The following ANKRD30B variants were observed in gnomAD, a reference collection of about 807,000 sequenced individuals.
The protein encoded by ANKRD30B is ankyrin repeat domain 30B.
Under a neutral mutation model 202.2 loss-of-function variants are expected in ANKRD30B, and 144 were observed. The ratio of observed to expected loss-of-function variants is 0.71; its 90% confidence interval spans 0.62 to 0.82. The LOEUF (loss-of-function observed/expected upper bound fraction) is 0.82. ANKRD30B is among the 40% of genes least tolerant of loss of function. The pLI, the probability that ANKRD30B is intolerant of heterozygous loss-of-function variation, is 0.00. For missense variants in ANKRD30B, 1,487 were observed against 1,669.1 expected (o/e 0.89, Z 1.90); for synonymous variants, 508 against 561.3 (o/e 0.91, Z 1.34).
chr18:14,808,494 T>G lies in ANKRD30B; in HGVS notation c.2285-57T>G, dbSNP rs777563688. The G allele has an allele frequency of 1.1e-4, 148 of 1,331,312 alleles. 5 individuals are homozygous for G. Among genetic ancestry groups the G allele is most frequent in the Non-Finnish European group, 1.6e-4 (146 of 929,026 alleles). 82.5% of individuals were successfully genotyped at this position (1,331,312 alleles called of 1,614,324 possible). On this transcript the variant is annotated intron_variant, in intron 24 of 43. Transcript: ENST00000690538. The stretch of plus-strand genomic sequence containing the variant: ...CTTCATATTCACATTGTACGAATGC[T>G]TGGTAGGCTTTGTCAGGCTTGCATA...
At chr18:14,884,233 T>C in the ANKRD30B span, among the ~76,000 whole-genome samples, 3 of 143,102 alleles carry the variant, frequency 2.1e-5, no homozygotes, top group African/African-American at 7.7e-5. Flanking sequence ...TTGTAAGCAG[T>C]GCTATGGAGA....
chr18:14,934,740 G>A, the ANKRD30B span, among the ~76,000 whole-genome samples: 5 of 152,078 alleles, frequency 3.3e-5, no homozygotes, highest in African/African-American at 9.7e-5. Flanking sequence ...GAAGGGATCC[G>A]GAGCCAAGAG....
intron 24 of ANKRD30B, 111 bp from the exon 25 acceptor site, chr18:14,808,440 C>A (rs1278855633): frequency 8.6e-7 from 1 of 1,158,216 alleles, no homozygotes; most frequent in East Asian, 2.4e-5. Context: ...CTAGTGTAAT[C>A]CCTTTTCAAT....
At chr18:14,792,343 T>C (rs1968575040) in intron 16 of ANKRD30B, among the ~76,000 whole-genome samples, 1 of 152,134 alleles carries the variant, frequency 6.6e-6, no homozygotes, top group South Asian at 2.1e-4. Context: ...ATGGTGCTCC[T>C]ATTTTTGAGT....
At chr18:14,824,457 GA>G (rs1445030080) in intron 32 of ANKRD30B, among the ~76,000 whole-genome samples, 2 of 152,116 alleles carry the variant, frequency 1.3e-5, no homozygotes, top group Admixed American at 6.6e-5. Flanking sequence ...GGACTCAAGT[GA>G]TTCTCCTCCA....
chr18:14,818,255 T>A (rs1386034985), intron 30 of ANKRD30B, among the ~76,000 whole-genome samples: 1 of 152,190 alleles, frequency 6.6e-6, no homozygotes, highest in Non-Finnish European at 1.5e-5. Context: ...ATAAAACTGT[T>A]ATTTTCAGTA....
At chr18:14,796,520 G>A in intron 18 of ANKRD30B, 105 bp downstream of exon 18, 2 of 1,336,566 alleles carry the variant, frequency 1.5e-6, no homozygotes, top group South Asian at 1.6e-5. Flanking sequence ...AAAATTTGGT[G>A]GGAAAATTTG....
the ANKRD30B span, among the ~76,000 whole-genome samples, chr18:14,869,711 C>T: frequency 1.9e-4 from 28 of 150,666 alleles, no homozygotes; most frequent in Non-Finnish European, 1.8e-4. Context: ...ATTACAAATA[C>T]TTCAGTTTTC....
the ANKRD30B span, among the ~76,000 whole-genome samples, chr18:14,898,683 CCTGT>C: frequency 1.3e-5 from 2 of 152,148 alleles, no homozygotes; most frequent in Admixed American, 6.5e-5. Flanking sequence ...CATTGATTTA[CCTGT>C]CTGTCAGCTC....
intron 9 of ANKRD30B, among the ~76,000 whole-genome samples, chr18:14,774,768 A>G (rs1967244063): frequency 1.3e-5 from 2 of 151,932 alleles, no homozygotes; most frequent in South Asian, 4.1e-4. Context: ...AATTTTAATT[A>G]TTTCTACAAT....
chr18:14,770,781 G>A (rs181217552), intron 8 of ANKRD30B, among the ~76,000 whole-genome samples: 51 of 151,892 alleles, frequency 3.4e-4, no homozygotes, highest in East Asian at 2.1e-3. Context: ...TGTTTAATTG[G>A]AGGAATGGGC....
At chr18:14,755,944 G>C (rs971493109) in intron 4 of ANKRD30B, among the ~76,000 whole-genome samples, 9 of 152,136 alleles carry the variant, frequency 5.9e-5, no homozygotes, top group Admixed American at 4.6e-4. Context: ...GGGTCAAATG[G>C]TATTTCTAGT....
At chr18:14,841,622 T>C (rs1971423239) in intron 37 of ANKRD30B, among the ~76,000 whole-genome samples, 2 of 152,136 alleles carry the variant, frequency 1.3e-5, no homozygotes, top group Admixed American at 6.5e-5. Context: ...TTAAAAGATA[T>C]TGAATGGGAA....
At chr18:14,760,247 A>G (rs1915045446) in intron 5 of ANKRD30B, among the ~76,000 whole-genome samples, 1 of 152,224 alleles carries the variant, frequency 6.6e-6, no homozygotes, top group Non-Finnish European at 1.5e-5. Context: ...AAGAAAAAAT[A>G]CCTGTTGGTA....
Position 14,851,546 on chromosome 18 carries a change from A to C in ANKRD30B, c.3602A>C (p.His1201Pro). The change falls in exon 42 of 44, where the codon CAT becomes CCT. Residue 1201 changes from histidine (H) to proline (P), a missense_variant. By Grantham distance (77) the His-to-Pro change is moderately conservative. Coordinates refer to ENST00000690538, the MANE Select transcript of ANKRD30B (RefSeq NM_001367607.2). ...HTHESENDLF[H>P]ENCMLKKEIA... ...CATGAAAGTGAAAATGATCTCTTTC[A>C]TGAAAATTGCATGTTGAAAAAGGAA... The C allele has an allele frequency of 1.9e-6, 3 of 1,568,236 alleles. No individual in the cohort carries two copies. Among genetic ancestry groups the C allele is most frequent in the Non-Finnish European group, 2.6e-6 (3 of 1,163,570 alleles).
chr18:14,832,868 A>C (rs946693818), intron 34 of ANKRD30B, among the ~76,000 whole-genome samples: 1 of 152,216 alleles, frequency 6.6e-6, no homozygotes, highest in Non-Finnish European at 1.5e-5. Flanking sequence ...TATATTTTCT[A>C]GTATCCCCAA....
chr18:14,883,458 T>TAGATATATAG, the ANKRD30B span: 1 of 146,156 alleles, frequency 6.8e-6, no homozygotes, highest in South Asian at 2.2e-4. Context: ...TATATATCTA[T>TAGATATATAG]ATATCTATAG....
intron 22 of ANKRD30B, 104 bp downstream of exon 22, chr18:14,799,399 A>G: frequency 1.7e-6 from 2 of 1,154,796 alleles, no homozygotes; most frequent in South Asian, 1.8e-5. Flanking sequence ...TCAAAATTGG[A>G]TGGGAAAATT....
chr18:14,866,254 T>C, the ANKRD30B span, among the ~76,000 whole-genome samples: 2 of 152,358 alleles, frequency 1.3e-5, no homozygotes, highest in African/African-American at 4.8e-5. Context: ...AGCTGGAGGC[T>C]GGAGCCTGTA....
Sources: gnomAD v4.1 joint callset for allele counts (sites outside exome capture counted in the v4.1 genomes callset) on GRCh38, gnomAD v4.1.1 for gene constraint, MANE v1.5 for transcripts, NCBI Gene and HGNC (gene_info 2026-07-23, HGNC 2026-07-21) for gene names.